FBRSL1: variants seen among roughly 807,000 people sequenced by gnomAD.
FBRSL1 encodes the protein fibrosin-1-like protein.
A neutral mutation model predicts 89.6 loss-of-function variants in FBRSL1; 51 were observed. The observed-to-expected ratio is 0.57, with a 90% CI of 0.45 to 0.72. The LOEUF (loss-of-function observed/expected upper bound fraction) is 0.72. Among genes scored for constraint, FBRSL1 ranks in the 30% least tolerant of loss-of-function variants. The pLI is 0.00. For synonymous variants in FBRSL1, 779 were observed against 681.1 expected, an observed-to-expected ratio of 1.14 and a Z score of -2.24; for missense variants, 1,618 against 1,451.8, an observed-to-expected ratio of 1.11 and a Z score of -1.86.
intron 14 of FBRSL1, 112 bp from the exon 15 acceptor site, chr12:132,576,687 C>A: frequency 8.1e-7 from 1 of 1,230,940 alleles, no homozygotes; most frequent in Non-Finnish European, 1.1e-6. Context: ...ATCCCACCTG[C>A]TCCCCTTACT....
At chr12:132,505,570 G>T (rs1789558093) in intron 1 of FBRSL1, among the ~76,000 whole-genome samples, 1 of 152,208 alleles carries the variant, frequency 6.6e-6, no homozygotes, top group Non-Finnish European at 1.5e-5. Context: ...GACGCTGTAT[G>T]GTCTCTGAGC....
At position 132,545,811 on chromosome 12, in the gene FBRSL1, C is replaced by G. The variant is rs557037468; in HGVS notation, c.616-2192C>G. Among the ~76,000 whole-genome samples, 132 of 152,364 alleles carry G rather than the reference C, an allele frequency of 8.7e-4. No homozygotes were observed. The South Asian group carries it at 0.027, about 31-fold the overall frequency. Reference sequence around the variant, plus strand: ...GAGGCCTGATTGGCCAGAACCCTGACAGTCTGGTGGGATTGCAGTTTCCAA... The same window carrying G: ...GAGGCCTGATTGGCCAGAACCCTGAGAGTCTGGTGGGATTGCAGTTTCCAA... On this transcript the variant is annotated intron_variant, in intron 4 of 18. Coordinates refer to ENST00000680143, the MANE Select transcript of FBRSL1 (RefSeq NM_001367871.1).
intron 1 of FBRSL1, among the ~76,000 whole-genome samples, chr12:132,500,941 T>C (rs1168355894): frequency 6.6e-6 from 1 of 152,130 alleles, no homozygotes; most frequent in Non-Finnish European, 1.5e-5. Flanking sequence ...CAGACCCTCA[T>C]CCCATGCCTC....
rs1469995196 is a variant in FBRSL1 at position 132,583,474 on chromosome 12, T to G, written c.2705T>G (p.Leu902Arg). Residue 902 changes from leucine to arginine, a missense_variant, in exon 19 of 19, where the codon CTG becomes CGG. Transcript: ENST00000680143. Reference sequence around the variant, plus strand: ...AGCCCCGAGCGCCTGCGCGGGGAGCTGGAGCGCGCGCGGGCCCCGCACCTG... The same window carrying G: ...AGCCCCGAGCGCCTGCGCGGGGAGCGGGAGCGCGCGCGGGCCCCGCACCTG... ...GYSPERLRGE[L>R]ERARAPHLPP... is the part of the protein sequence containing the mutation. 4.7e-6 allele frequency: 5 copies of G among 1,055,422 alleles called. No homozygotes were observed. Among genetic ancestry groups the G allele is most frequent in the African/African-American group, 1.8e-5 (1 of 56,454 alleles). The allele number at this position is 1,055,422 out of a possible 1,614,324, so 65.4% of individuals were successfully genotyped here. A position where few individuals can be genotyped will look rare whatever the true frequency, so the allele number is the denominator to read the frequency against.
intron 2 of FBRSL1, among the ~76,000 whole-genome samples, chr12:132,517,788 C>T (rs529621450): frequency 6.8e-4 from 104 of 152,248 alleles, no homozygotes; most frequent in South Asian, 8.3e-4. Context: ...CAGGGAACAA[C>T]GTGAGCTCCT....
intron 4 of FBRSL1, among the ~76,000 whole-genome samples, chr12:132,542,484 T>TAGG (rs1162490097): frequency 6.6e-6 from 1 of 152,246 alleles, no homozygotes; most frequent in Non-Finnish European, 1.5e-5. Context: ...CAGGGCCCCC[T>TAGG]GCCCCAGGTA....
intron 2 of FBRSL1, among the ~76,000 whole-genome samples, chr12:132,513,248 C>T (rs567856008): frequency 2.0e-5 from 3 of 152,212 alleles, no homozygotes; most frequent in Admixed American, 6.5e-5. Context: ...GCTCCCATCA[C>T]AGGCAGCAGA....
chr12:132,581,331 A>T, intron 15 of FBRSL1, 108 bp from the exon 16 acceptor site: 1 of 1,542,662 alleles, frequency 6.5e-7, no homozygotes, highest in Non-Finnish European at 8.8e-7. Flanking sequence ...AGAGAATGGG[A>T]GGTGAAGGTT....
intron 5 of FBRSL1, among the ~76,000 whole-genome samples, chr12:132,562,079 G>A (rs1299267619): frequency 2.0e-5 from 3 of 152,176 alleles, no homozygotes; most frequent in Non-Finnish European, 2.9e-5. Context: ...TATTCCTCCT[G>A]TTTCTCTCGG....
chr12:132,536,383 C>T lies in FBRSL1; in HGVS notation c.615+8395C>T, dbSNP rs560716124. Reference sequence around the variant, plus strand: ...GATTGTGTACATGATGGTGTGTGTGCCATGTGTACATGACAATATGATTCT... The same window carrying T: ...GATTGTGTACATGATGGTGTGTGTGTCATGTGTACATGACAATATGATTCT... On this transcript the variant is annotated intron_variant, in intron 4 of 18. Transcript: ENST00000680143. Among the ~76,000 whole-genome samples the T allele has an allele frequency of 1.0e-3, 151 of 149,874 alleles. 1 individual carries two copies. Among genetic ancestry groups the T allele is most frequent in the African/African-American group, 3.6e-3 (147 of 40,560 alleles).
At chr12:132,527,546 G>T (rs1199367018) in intron 3 of FBRSL1, among the ~76,000 whole-genome samples, 1 of 152,208 alleles carries the variant, frequency 6.6e-6, no homozygotes, top group Admixed American at 6.5e-5. Context: ...GTGGTCTTGG[G>T]TCTGGGCATC....
chr12:132,563,713 C>T (rs2039337379), intron 5 of FBRSL1, among the ~76,000 whole-genome samples: 1 of 140,048 alleles, frequency 7.1e-6, no homozygotes, highest in African/African-American at 2.5e-5. Context: ...ACTGTATACC[C>T]ACCCCCGTCG....
Position 132,583,288 on chromosome 12 carries a change from T to C in FBRSL1, c.2519T>C (p.Leu840Pro), listed in dbSNP as rs2040917660. The stretch of plus-strand genomic sequence containing the variant: ...CACCCCGCGCCCCTGCAGCTCGGCC[T>C]GGGCCGCGAGCGCCTGGGCGCGCCG... ...GLHPAPLQLG[L>P]GRERLGAPGF... Residue 840 changes from leucine to proline, a missense_variant, in exon 19 of 19, where the codon CTG (leucine) becomes CCG (proline). Coordinates refer to ENST00000680143, the MANE Select transcript of FBRSL1 (RefSeq NM_001367871.1). 12 of 1,148,004 alleles carry C rather than the reference T, an allele frequency of 1.0e-5. No homozygotes were observed. The highest frequency in any genetic ancestry group is 3.3e-4 in the Middle Eastern group (1 of 3,058). 71.1% of individuals were successfully genotyped at this position (1,148,004 alleles called of 1,614,324 possible).
At position 132,572,132 on chromosome 12, in the gene FBRSL1, C is replaced by T. The variant is rs921790505; in HGVS notation, c.1378-156C>T. ...ACTGAGTTCAGAGCCGTGGGGCTGG[C>T]GCTCTAGAGGAGCCTGGGACGGCTG... On this transcript the variant is annotated intron_variant, in intron 9 of 18. Transcript: ENST00000680143. 10 of 637,600 alleles carry T rather than the reference C, an allele frequency of 1.6e-5. No individual in the cohort carries two copies. In the Admixed American group the frequency reaches 1.7e-4, roughly 11 times the overall value. 39.5% of individuals were successfully genotyped at this position (637,600 alleles called of 1,614,324 possible).
At chr12:132,510,184 C>T (rs1036993208) in intron 2 of FBRSL1, 24 of 1,231,388 alleles carry the variant, frequency 1.9e-5, no homozygotes, top group Non-Finnish European at 2.2e-5. Context: ...CTCATGGGCC[C>T]CAACAAGCCC....
chr12:132,541,371 C>T (rs972333711), intron 4 of FBRSL1, among the ~76,000 whole-genome samples: 5 of 152,226 alleles, frequency 3.3e-5, no homozygotes, highest in Non-Finnish European at 5.9e-5. Flanking sequence ...CCCTGCAGCT[C>T]CAGCACCCAC....
intron 15 of FBRSL1, among the ~76,000 whole-genome samples, chr12:132,579,161 C>T (rs1262202084): frequency 6.6e-6 from 1 of 152,246 alleles, no homozygotes; most frequent in Non-Finnish European, 1.5e-5. Flanking sequence ...CCTCCATCTC[C>T]TTGGCAGGTC....
intron 2 of FBRSL1, chr12:132,510,003 C>T: frequency 1.6e-6 from 2 of 1,231,700 alleles, no homozygotes; most frequent in Non-Finnish European, 2.0e-6. Flanking sequence ...GCGCCCCAGG[C>T]AGCCCCAGCG....
At chr12:132,559,705 C>A (rs966108475) in intron 5 of FBRSL1, among the ~76,000 whole-genome samples, 1 of 152,202 alleles carries the variant, frequency 6.6e-6, no homozygotes, top group South Asian at 2.1e-4. Flanking sequence ...GGCTGTCGCC[C>A]TTTCTGACTC....
Sources: gnomAD v4.1 joint callset for allele counts (sites outside exome capture counted in the v4.1 genomes callset) on GRCh38, gnomAD v4.1.1 for gene constraint, MANE v1.5 for transcripts, NCBI Gene and HGNC (gene_info 2026-07-23, HGNC 2026-07-21) for gene names.